Variants in ADARB2 observed in about 807,000 individuals in gnomAD.
ADARB2 encodes the protein adenosine deaminase RNA specific B2 (inactive), also known as inactive double-stranded RNA-specific editase B2.
A neutral mutation model predicts 62.2 loss-of-function variants in ADARB2; 25 were observed. The ratio of observed to expected loss-of-function variants is 0.40; its 90% CI spans 0.29 to 0.56. The LOEUF is 0.56. Ranked by LOEUF, ADARB2 falls within the 20% of genes least tolerant of loss-of-function variation. The pLI is 0.43. For missense variants in ADARB2, 1,071 were observed against 1,077.4 expected (o/e 0.99, Z 0.08); for synonymous variants, 572 against 500.8 (o/e 1.14, Z -1.90).
intron 1 of ADARB2, among the ~76,000 whole-genome samples, chr10:1,612,657 G>A (rs1749622458): frequency 6.6e-6 from 1 of 152,200 alleles, no homozygotes; most frequent in Non-Finnish European, 1.5e-5. Flanking sequence ...TGTTGCCTGA[G>A]GCTCTTCTCT....
chr10:1,293,930 C>A (rs1260606020), intron 3 of ADARB2, among the ~76,000 whole-genome samples: 1 of 151,794 alleles, frequency 6.6e-6, no homozygotes, highest in East Asian at 1.9e-4. Flanking sequence ...GTCTTTCTCG[C>A]AGCAGAAATG....
intron 7 of ADARB2, among the ~76,000 whole-genome samples, chr10:1,206,401 C>T (rs772738026): frequency 2.0e-5 from 3 of 151,536 alleles, no homozygotes; most frequent in Non-Finnish European, 4.4e-5. Context: ...GTCTCCTCCT[C>T]GTGCCTGTGT....
intron 1 of ADARB2, among the ~76,000 whole-genome samples, chr10:1,592,021 G>C (rs1182699554): frequency 6.6e-6 from 1 of 152,206 alleles, no homozygotes; most frequent in African/African-American, 2.4e-5. Context: ...GCTGACCCTG[G>C]TACATGGGCT....
At chr10:1,205,671 C>T (rs1352787015) in intron 7 of ADARB2, among the ~76,000 whole-genome samples, 1 of 152,296 alleles carries the variant, frequency 6.6e-6, no homozygotes. Flanking sequence ...GCCGTTACCA[C>T]CTGGGAAGCA....
At chr10:1,297,061 G>A (rs985351964) in intron 3 of ADARB2, among the ~76,000 whole-genome samples, 2 of 152,118 alleles carry the variant, frequency 1.3e-5, no homozygotes, top group Non-Finnish European at 2.9e-5. Context: ...TAAGTATCCT[G>A]GATTCAATAG....
rs574260343 is a variant in ADARB2, at chr10:1,288,427, C to T, written c.1078-17358G>A. ...AGCGAGTGTCATTTCTGTTCATCCC[C>T]GTTGTATCCCTAAGAGGCAGTTACG... is the stretch of plus-strand genomic sequence containing the variant. On this transcript the variant is annotated intron_variant, in intron 3 of 9. Transcript: ENST00000381312. Among the ~76,000 whole-genome samples the T allele has an allele frequency of 3.9e-5, 6 of 152,294 alleles. No individual in the cohort carries two copies. The South Asian group carries it at 6.2e-4, about 16-fold the overall frequency.
intron 1 of ADARB2, among the ~76,000 whole-genome samples, chr10:1,714,426 G>A (rs1402855056): frequency 1.3e-5 from 2 of 152,194 alleles, no homozygotes; most frequent in Admixed American, 6.5e-5. Flanking sequence ...TCTGCATGAA[G>A]CCTTTACTTC....
At chr10:1,308,529 G>A (rs1336506499) in intron 3 of ADARB2, among the ~76,000 whole-genome samples, 1 of 152,198 alleles carries the variant, frequency 6.6e-6, no homozygotes, top group Non-Finnish European at 1.5e-5. Context: ...GAGTGTGATT[G>A]CTGAACCATA....
At chr10:1,558,007 G>C (rs536463244) in intron 1 of ADARB2, among the ~76,000 whole-genome samples, 1 of 152,134 alleles carries the variant, frequency 6.6e-6, no homozygotes, top group Non-Finnish European at 1.5e-5. Flanking sequence ...TTTTAAAGCA[G>C]CTGCAAGCAG....
chr10:1,310,680 G>A (rs1160287704), intron 3 of ADARB2, among the ~76,000 whole-genome samples: 1 of 152,172 alleles, frequency 6.6e-6, no homozygotes, highest in African/African-American at 2.4e-5. Flanking sequence ...CGGTACCTCT[G>A]GAGGGGATCT....
At chr10:1,338,547 G>A (rs570893456) in intron 3 of ADARB2, among the ~76,000 whole-genome samples, 1 of 152,312 alleles carries the variant, frequency 6.6e-6, no homozygotes, top group Non-Finnish European at 1.5e-5. Context: ...GAATGACGCA[G>A]GGTTTTAAAA....
rs570385302 is a variant in ADARB2 at position 1,246,619 on chromosome 10, C to G, written c.1193-4320G>C. Among the ~76,000 whole-genome samples the G allele has an allele frequency of 6.4e-3, 549 of 86,284 alleles. 5 individuals carry two copies. Among genetic ancestry groups the G allele is most frequent in the East Asian group, 0.012 (30 of 2,580 alleles). The allele number at this position is 86,284 out of a possible 152,430, so 56.6% of individuals were successfully genotyped here. A position where few individuals can be genotyped will look rare whatever the true frequency, so the allele number is the denominator to read the frequency against. On this transcript the variant is annotated intron_variant, in intron 4 of 9. Coordinates refer to ENST00000381312, the MANE Select transcript of ADARB2 (RefSeq NM_018702.4). ...AATCCTTTCCCCATTGCTTGTTTTT[C>G]TCAGGTTTGTCAAAGATCAGATAGT...
In ADARB2 at chr10:1,183,223, C is replaced by T. The variant is rs199683238; in HGVS notation, c.2190G>A (p.Pro730=). The T allele has an allele frequency of 2.9e-5, 46 of 1,613,644 alleles. No homozygotes were observed. The highest frequency in any genetic ancestry group is 6.7e-5 in the Admixed American group (4 of 60,026). The change falls in exon 10 of 10, where the codon CCG becomes CCA. Residue 730 remains proline, a synonymous_variant. Coordinates refer to ENST00000381312, the MANE Select transcript of ADARB2 (RefSeq NM_018702.4). ...AGLGTWVRKP[P]EQQQFLLTL ...GAGTCAGTAGAAACTGCTGCTGCTC[C>T]GGTGGTTTCCTCACCCAGGTGCCCA...
chr10:1,594,730 C>A (rs962424214), intron 1 of ADARB2, among the ~76,000 whole-genome samples: 2 of 152,192 alleles, frequency 1.3e-5, no homozygotes, highest in African/African-American at 4.8e-5. Context: ...AGATCAAGAG[C>A]CTGTGCTGGA....
intron 6 of ADARB2, among the ~76,000 whole-genome samples, chr10:1,219,866 AATGGTGGTGGTG>A (rs1830668079): frequency 1.9e-5 from 2 of 105,114 alleles, no homozygotes; most frequent in African/African-American, 7.3e-5. Context: ...TGATGATGGT[AATGGTGGTGGTG>A]ATGATGGTGA....
intron 3 of ADARB2, among the ~76,000 whole-genome samples, chr10:1,311,243 CAT>C (rs1196764179): frequency 6.6e-6 from 1 of 152,250 alleles, no homozygotes; most frequent in African/African-American, 2.4e-5. Context: ...CCCTGCCACA[CAT>C]GACTGAGTGC....
At chr10:1,184,690 A>G (rs1589144914) in intron 9 of ADARB2, among the ~76,000 whole-genome samples, 171 bp downstream of exon 9, 1 of 152,180 alleles carries the variant, frequency 6.6e-6, no homozygotes, top group East Asian at 1.9e-4. Context: ...TCTCAAGCCT[A>G]CAGGGGAAAC....
chr10:1,285,849 A>G (rs1301858572), intron 3 of ADARB2, among the ~76,000 whole-genome samples: 1 of 152,250 alleles, frequency 6.6e-6, no homozygotes, highest in Non-Finnish European at 1.5e-5. Flanking sequence ...CCTCAGGGTA[A>G]AATTGACATT....
At chr10:1,460,488 T>A (rs12766352) in intron 1 of ADARB2, among the ~76,000 whole-genome samples, 20 of 34,144 alleles carry the variant, frequency 5.9e-4, no homozygotes, top group African/African-American at 1.6e-3. Context: ...TTACCTGCGT[T>A]ACGAACCTGC....
Sources: allele counts gnomAD v4.1 joint callset (sites outside exome capture counted in the v4.1 genomes callset), GRCh38; gene constraint gnomAD v4.1.1; transcripts MANE v1.5; gene names NCBI Gene and HGNC (gene_info 2026-07-23, HGNC 2026-07-21).